The following CELSR1 variants were observed in gnomAD, a reference collection of about 807,000 sequenced individuals.
CELSR1 encodes adhesion G protein-coupled receptor C1.
CELSR1 carries 110 observed loss-of-function variants against 249.1 expected under a neutral mutation model. That is an observed-to-expected ratio of 0.44 (90% CI 0.38 to 0.52). The LOEUF is 0.52. Among genes scored for constraint, CELSR1 ranks in the 20% least tolerant of loss-of-function variants. The pLI is 0.00. For synonymous variants in CELSR1, 2,113 were observed against 1,900.0 expected, an observed-to-expected ratio of 1.11 and a Z score of -2.92; for missense variants, 4,109 against 4,296.4, an observed-to-expected ratio of 0.96 and a Z score of 1.22.
rs1364187772 is a variant in CELSR1 at position 46,397,799 on chromosome 22, T to C, written c.5576A>G (p.Asn1859Ser). The change falls in exon 12 of 35, where the codon AAC becomes AGC. Residue 1859 changes from asparagine (N) to serine (S), a missense_variant. This residue lies in a region of CELSR1 where 1,805 missense variants were observed against 1,831.6 expected (regional missense o/e 0.99). Transcript: ENST00000674500. Reference protein sequence around the residue: ...TPTNVATLNMNNALKVRVKDG... With the variant: ...TPTNVATLNMSNALKVRVKDG... ...CTTCACCCTGACCTTGAGTGCGTTG[T>C]TCATGTTCAGGGTGGCGACGTTGGT... The C allele has an allele frequency of 8.7e-6, 14 of 1,601,818 alleles. No individual in the cohort carries two copies. Among genetic ancestry groups the C allele is most frequent in the Non-Finnish European group, 1.2e-5 (14 of 1,173,142 alleles).
chr22:46,416,773 C>T (rs1193433831), intron 5 of CELSR1, among the ~76,000 whole-genome samples: 3 of 152,282 alleles, frequency 2.0e-5, no homozygotes, highest in South Asian at 2.1e-4. Context: ...GTATTTTCTT[C>T]CCTGCGTGCA....
At chr22:46,392,991 T>C (rs1003902318) in intron 14 of CELSR1, among the ~76,000 whole-genome samples, 1 of 152,164 alleles carries the variant, frequency 6.6e-6, no homozygotes, top group African/African-American at 2.4e-5. Flanking sequence ...CCAGGAGAGC[T>C]GTTTAATTTG....
Position 46,363,607 on chromosome 22 carries a change from C to T in CELSR1, c.9036-360G>A, listed in dbSNP as rs1225570707. On this transcript the variant is annotated intron_variant, in intron 34 of 34. Transcript: ENST00000674500. The surrounding 1 kb of genome is among the most constrained non-coding windows in gnomAD (Gnocchi z 4.3). Reference sequence around the variant, plus strand: ...AGGGAGAGGTCTGGGGCCAGGACCCCAGCTCCACCCCGCCCCCTTCACCCC... The same window carrying T: ...AGGGAGAGGTCTGGGGCCAGGACCCTAGCTCCACCCCGCCCCCTTCACCCC... The T allele has an allele frequency of 8.3e-5, 30 of 361,904 alleles. No individual in the cohort carries two copies. In the Admixed American group the frequency reaches 1.1e-3, roughly 13 times the overall value. 22.4% of individuals were successfully genotyped at this position (361,904 alleles called of 1,614,324 possible).
chr22:46,392,147 G>C (rs1257579461), intron 14 of CELSR1, among the ~76,000 whole-genome samples: 1 of 152,272 alleles, frequency 6.6e-6, no homozygotes, highest in African/African-American at 2.4e-5. Context: ...TAGCCCTTGG[G>C]CGTTTTTTTA....
chr22:46,390,452 G>T lies in CELSR1; in HGVS notation c.6285C>A (p.Gly2095=). 1 of 1,613,988 alleles carries T rather than the reference G, an allele frequency of 6.2e-7. No homozygotes were observed. Among genetic ancestry groups the T allele is most frequent in the Non-Finnish European group, 8.5e-7 (1 of 1,179,978 alleles). Residue 2095 remains glycine (G), a synonymous_variant, in exon 17 of 35, where the codon GGC becomes GGA. Transcript: ENST00000674500. This position sits in a 1 kb window ranked among gnomAD's most constrained non-coding sequence, Gnocchi z 6.3. ...NAVRHCSGEK[G]WLPPELFNCT... ...AGTTAAAGAGCTCTGGGGGCAGCCAGCCCTTCTCCCCGCTGCAGTGTCGGA... is the reference window on the plus strand; with the variant it reads ...AGTTAAAGAGCTCTGGGGGCAGCCATCCCTTCTCCCCGCTGCAGTGTCGGA...
Position 46,361,218 on chromosome 22 carries a change from T to C in CELSR1, c.*2005A>G, listed in dbSNP as rs1449486238. ...ATTTATTGTAGACTCTTCTCATTTG[T>C]AATTCCAGTGTTTTGAACATTAATA... On this transcript the variant is annotated 3_prime_UTR_variant, in exon 35 of 35. Transcript: ENST00000674500. The C allele has an allele frequency of 6.6e-6, 1 of 152,562 alleles. No homozygotes were observed. Among genetic ancestry groups the C allele is most frequent in the Non-Finnish European group, 1.5e-5 (1 of 68,052 alleles). The allele number at this position is 152,562 out of a possible 1,614,324, so 9.5% of individuals were successfully genotyped here.
At chr22:46,514,816 G>A (rs1569212847) in intron 1 of CELSR1, among the ~76,000 whole-genome samples, 1 of 152,148 alleles carries the variant, frequency 6.6e-6, no homozygotes, top group African/African-American at 2.4e-5. Context: ...AAGTCACTGC[G>A]GGAAAAGCTC....
intron 1 of CELSR1, among the ~76,000 whole-genome samples, chr22:46,503,118 G>A (rs3788718): frequency 0.46 from 70,356 of 151,954 alleles, 17,243 homozygotes; most frequent in East Asian, 0.85. Context: ...AAGTGGCCTC[G>A]GATGGCCTCA....
intron 1 of CELSR1, among the ~76,000 whole-genome samples, chr22:46,530,703 A>G: frequency 6.6e-6 from 1 of 152,232 alleles, no homozygotes; most frequent in Non-Finnish European, 1.5e-5. Context: ...TGGGCTACAT[A>G]AAACCACCAA....
rs11913544 is a variant in CELSR1 at position 46,367,795 on chromosome 22, C to A, written c.8013G>T (p.Gly2671=). 10,529 of 1,611,516 alleles carry A rather than the reference C, an allele frequency of 6.5e-3. 542 individuals are homozygous for A. In the African/African-American group the frequency reaches 0.12, roughly 18 times the overall value. Reference sequence around the variant, plus strand: ...GTGCATCGCGGTTCACAGCCAGCAGCCCCAGCAGCCAGGTGGCGCTGATGA... The same window carrying A: ...GTGCATCGCGGTTCACAGCCAGCAGACCCAGCAGCCAGGTGGCGCTGATGA... The part of the protein sequence containing the change: ...LLLISATWLL[G]LLAVNRDALS... The change falls in exon 28 of 35, where the codon GGG becomes GGT. Residue 2671 remains glycine (G), a synonymous_variant. Coordinates refer to ENST00000674500, the MANE Select transcript of CELSR1 (RefSeq NM_001378328.1).
chr22:46,369,374 C>T, intron 26 of CELSR1, 116 bp from the exon 27 acceptor site: 1 of 871,242 alleles, frequency 1.1e-6, no homozygotes, highest in Non-Finnish European at 1.8e-6. Context: ...TGAGGAGGAC[C>T]CGAACCCTGG....
Position 46,483,385 on chromosome 22 carries a change from C to CTTTTTT in CELSR1, c.3545-19046_3545-19041dup, listed in dbSNP as rs10647586. The stretch of plus-strand genomic sequence containing the variant: ...CTTTATGGAAACATGCTATTCCTGA[C>CTTTTTT]TTTTTTTTTTTTTTTTTTTTTTTTG... On this transcript the variant is annotated intron_variant, in intron 1 of 34. Transcript: ENST00000674500. Among the ~76,000 whole-genome samples, 49 of 81,214 alleles carry CTTTTTT rather than the reference C, an allele frequency of 6.0e-4. 3 individuals carry two copies. The highest frequency in any genetic ancestry group is 1.0e-3 in the Admixed American group (6 of 5,732). 53.3% of individuals were successfully genotyped at this position (81,214 alleles called of 152,430 possible).
At chr22:46,504,970 G>C (rs2080500799) in intron 1 of CELSR1, among the ~76,000 whole-genome samples, 2 of 152,196 alleles carry the variant, frequency 1.3e-5, no homozygotes, top group African/African-American at 4.8e-5. Context: ...CATCTCAAAA[G>C]AGCAAGGAAA....
chr22:46,476,478 C>G (rs1243254558), intron 1 of CELSR1, among the ~76,000 whole-genome samples: 1 of 151,800 alleles, frequency 6.6e-6, no homozygotes. Flanking sequence ...CACCTGTGGT[C>G]CCAGCTACTC....
At position 46,390,857 on chromosome 22, in the gene CELSR1, C is replaced by T. The variant is rs900115600; in HGVS notation, c.6250+329G>A. 2.6e-5 allele frequency among the ~76,000 whole-genome samples: 4 copies of T among 152,236 alleles called. No homozygotes were observed. The highest frequency in any genetic ancestry group is 4.8e-5 in the African/African-American group (2 of 41,454). ...CCAGACGCCCCTCACAGAGTGGACA[C>T]AGTCAATGTCCCCATTTCACAGAGG... On this transcript the variant is annotated intron_variant, in intron 16 of 34. Coordinates refer to ENST00000674500, the MANE Select transcript of CELSR1 (RefSeq NM_001378328.1). This position sits in a 1 kb window ranked among gnomAD's most constrained non-coding sequence, Gnocchi z 6.3.
intron 1 of CELSR1, among the ~76,000 whole-genome samples, chr22:46,531,330 C>T (rs564454849): frequency 2.6e-5 from 4 of 152,144 alleles, no homozygotes; most frequent in South Asian, 2.1e-4. Context: ...CTCAGCCTCC[C>T]GAGTAGCTGG....
At chr22:46,425,673 G>T (rs945265297) in intron 5 of CELSR1, among the ~76,000 whole-genome samples, 34 of 151,304 alleles carry the variant, frequency 2.2e-4, no homozygotes, top group African/African-American at 8.0e-4. Flanking sequence ...TATCAGTCAC[G>T]CTAGAAGTTT....
chr22:46,463,435 G>C (rs963794930), intron 2 of CELSR1, among the ~76,000 whole-genome samples: 3 of 151,934 alleles, frequency 2.0e-5, no homozygotes, highest in African/African-American at 7.3e-5. Flanking sequence ...GGAATCGCTT[G>C]AACCGAGGAG....
intron 1 of CELSR1, among the ~76,000 whole-genome samples, chr22:46,466,927 C>T (rs539635382): frequency 1.1e-4 from 16 of 152,254 alleles, no homozygotes; most frequent in South Asian, 8.3e-4. Flanking sequence ...TCCTCTCCTC[C>T]GCATCAGGAC....
Sources: gnomAD v4.1 joint callset for allele counts (sites outside exome capture counted in the v4.1 genomes callset) on GRCh38, gnomAD v4.1.1 for gene constraint, gnomAD v4.1.1 regional missense constraint, Gnocchi (gnomAD v3.1) non-coding constraint, MANE v1.5 for transcripts, NCBI Gene and HGNC (gene_info 2026-07-23, HGNC 2026-07-21) for gene names.